The following CCSER1 variants were observed in gnomAD, a reference collection of about 807,000 sequenced individuals.
The protein encoded by CCSER1 is serine-rich coiled-coil domain-containing protein 1.
In CCSER1, 41 loss-of-function variants were observed where a neutral mutation model predicts 82.0. The ratio of observed to expected loss-of-function variants is 0.50; its 90% CI spans 0.39 to 0.65. CCSER1 has a LOEUF of 0.65. CCSER1 is among the 30% of genes least tolerant of loss of function. The pLI is 0.00. For missense variants in CCSER1, 1,119 were observed against 1,064.2 expected (o/e 1.05, Z -0.72); for synonymous variants, 414 against 383.9 (o/e 1.08, Z -0.92).
At chr4:91,163,342 T>C (rs577170222) in intron 10 of CCSER1, among the ~76,000 whole-genome samples, 18 of 152,326 alleles carry the variant, frequency 1.2e-4, no homozygotes, top group African/African-American at 1.7e-4. Flanking sequence ...AGGAGTGCTT[T>C]ACTTCCACCT....
At chr4:91,170,587 G>A (rs1732650223) in intron 10 of CCSER1, among the ~76,000 whole-genome samples, 1 of 152,128 alleles carries the variant, frequency 6.6e-6, no homozygotes, top group Non-Finnish European at 1.5e-5. Context: ...ACTTTTGACA[G>A]TTTATGTAAA....
chr4:90,992,246 A>G (rs17200202), intron 9 of CCSER1, among the ~76,000 whole-genome samples: 2,487 of 152,124 alleles, frequency 0.016, 36 homozygotes, highest in Middle Eastern at 0.041. Context: ...AAATGTTTCA[A>G]TCACACTTTG....
intron 10 of CCSER1, among the ~76,000 whole-genome samples, chr4:91,186,616 C>A (rs1165390388): frequency 2.0e-5 from 3 of 152,170 alleles, no homozygotes; most frequent in Non-Finnish European, 4.4e-5. Context: ...AATCAGGGGT[C>A]TCACAACCTT....
At chr4:90,602,717 T>C (rs745841971) in intron 5 of CCSER1, among the ~76,000 whole-genome samples, 1 of 149,024 alleles carries the variant, frequency 6.7e-6, no homozygotes, top group Non-Finnish European at 1.5e-5. Context: ...TTTCTACCCC[T>C]GCTTACCCTC....
At chr4:91,073,734 T>C (rs1020838845) in intron 9 of CCSER1, among the ~76,000 whole-genome samples, 1 of 152,064 alleles carries the variant, frequency 6.6e-6, no homozygotes, top group African/African-American at 2.4e-5. Context: ...TTTTTTAACT[T>C]CTTGAGTAGT....
chr4:90,634,553 T>C (rs1390922202), intron 6 of CCSER1, among the ~76,000 whole-genome samples: 1 of 151,788 alleles, frequency 6.6e-6, no homozygotes, highest in Non-Finnish European at 1.5e-5. Context: ...TTTTACTGCA[T>C]TTCAGTAATT....
chr4:90,271,839 TATATATATATATATATATA>T (rs1726363150), intron 1 of CCSER1, among the ~76,000 whole-genome samples: 1 of 20,652 alleles, frequency 4.8e-5, no homozygotes, highest in Non-Finnish European at 7.9e-5. Flanking sequence ...TATATATATA[TATATATATATATATATATA>T]TATATTTTTT....
chr4:91,216,814 G>A (rs1326136560), intron 10 of CCSER1, among the ~76,000 whole-genome samples: 1 of 152,058 alleles, frequency 6.6e-6, no homozygotes, highest in Non-Finnish European at 1.5e-5. Context: ...ATGAGTGAAA[G>A]GGGCAAATAA....
In CCSER1 at chr4:90,745,278, G is replaced by A. The variant is rs548001208; in HGVS notation, c.2010+21287G>A. On this transcript the variant is annotated intron_variant, in intron 7 of 10. Coordinates refer to ENST00000509176, the MANE Select transcript of CCSER1 (RefSeq NM_001145065.2). ...ATGGCCTATCTCAAGTCTTCCTCAT[G>A]CTGCATCTCTCTGATTCTGAGTCAT... 3.9e-5 allele frequency among the ~76,000 whole-genome samples: 6 copies of A among 152,208 alleles called. No individual in the cohort carries two copies. The South Asian group carries it at 1.2e-3, about 32-fold the overall frequency.
intron 10 of CCSER1, among the ~76,000 whole-genome samples, chr4:91,217,631 G>C (rs1737359006): frequency 6.6e-6 from 1 of 152,142 alleles, no homozygotes; most frequent in Non-Finnish European, 1.5e-5. Context: ...AGTGTCGATT[G>C]GTGCACTCAC....
At chr4:91,078,041 C>G (rs369039610) in intron 9 of CCSER1, among the ~76,000 whole-genome samples, 6 of 152,342 alleles carry the variant, frequency 3.9e-5, no homozygotes, top group African/African-American at 7.2e-5. Context: ...CAAAAGGCAG[C>G]AGAAACTTCT....
At chr4:91,439,658 C>A (rs1386288854) in intron 10 of CCSER1, among the ~76,000 whole-genome samples, 1 of 151,964 alleles carries the variant, frequency 6.6e-6, no homozygotes, top group Non-Finnish European at 1.5e-5. Flanking sequence ...AATTAAAAGA[C>A]ACAGACTGGC....
intron 10 of CCSER1, among the ~76,000 whole-genome samples, chr4:91,367,152 A>AG (rs976917589): frequency 7.3e-6 from 1 of 136,920 alleles, no homozygotes; most frequent in African/African-American, 2.8e-5. Context: ...AAAAAAAAAG[A>AG]GAAAAAAATG....
chr4:91,360,092 GA>G (rs1006157171), intron 10 of CCSER1, among the ~76,000 whole-genome samples: 1 of 151,750 alleles, frequency 6.6e-6, no homozygotes, highest in Non-Finnish European at 1.5e-5. Context: ...CATTCATTAT[GA>G]TTAATGGTAG....
At chr4:90,261,450 T>G (rs1385031771) in intron 1 of CCSER1, among the ~76,000 whole-genome samples, 1 of 152,128 alleles carries the variant, frequency 6.6e-6, no homozygotes, top group Non-Finnish European at 1.5e-5. Context: ...GTTTGTGAGG[T>G]TTCTGCTGAG....
At chr4:90,384,689 G>C (rs371128784) in intron 3 of CCSER1, among the ~76,000 whole-genome samples, 2 of 152,004 alleles carry the variant, frequency 1.3e-5, no homozygotes, top group East Asian at 3.9e-4. Flanking sequence ...GTCATCCAAG[G>C]CTTCTCTATG....
chr4:91,575,804 T>C (rs546828134), intron 10 of CCSER1, among the ~76,000 whole-genome samples: 1 of 151,872 alleles, frequency 6.6e-6, no homozygotes, highest in East Asian at 1.9e-4. Flanking sequence ...AACAGTAAAA[T>C]ACCTCGAACA....
intron 9 of CCSER1, among the ~76,000 whole-genome samples, chr4:91,040,608 C>G (rs531489365): frequency 6.6e-6 from 1 of 152,244 alleles, no homozygotes; most frequent in South Asian, 2.1e-4. Context: ...ATGTGCAAGC[C>G]AGGCTGTGTT....
intron 1 of CCSER1, among the ~76,000 whole-genome samples, chr4:90,149,218 T>C (rs905435287): frequency 6.6e-6 from 1 of 152,146 alleles, no homozygotes; most frequent in South Asian, 2.1e-4. Context: ...AGGATAGATA[T>C]GCTGAGTAAA....
Sources: allele counts gnomAD v4.1 joint callset (sites outside exome capture counted in the v4.1 genomes callset), GRCh38; gene constraint gnomAD v4.1.1; transcripts MANE v1.5; gene names NCBI Gene and HGNC (gene_info 2026-07-23, HGNC 2026-07-21).